Variants in ULK3 observed in about 807,000 individuals in gnomAD.
ULK3 encodes unc-51 like kinase 3.
ULK3 carries 54 observed loss-of-function variants against 69.4 expected under a neutral mutation model. The ratio of observed to expected loss-of-function variants is 0.78; its 90% CI spans 0.63 to 0.98. The LOEUF (loss-of-function observed/expected upper bound fraction) is 0.98, where lower values mean the gene tolerates loss of function less well. Ranked by LOEUF, ULK3 falls within the 50% of genes least tolerant of loss-of-function variation. The probability of loss-of-function intolerance (pLI) is 0.00; values close to 1 mark genes in which losing one functional copy is unlikely to be tolerated. For missense variants in ULK3, 558 were observed against 627.7 expected, an observed-to-expected ratio of 0.89 and a Z score of 1.19; for synonymous variants, 240 against 254.5, an observed-to-expected ratio of 0.94 and a Z score of 0.54.
Position 74,842,938 on chromosome 15 carries a change from G to C in ULK3, c.102+66C>G. ...TTCCCACACTGTCGCTAACCTCTCA[G>C]AGTCTCCCCGGCCGGCACCAGCCGA... On this transcript the variant is annotated intron_variant, in intron 1 of 15. Transcript: ENST00000440863. This position sits in a 1 kb window ranked among gnomAD's most constrained non-coding sequence, Gnocchi z 4.9. 6.7e-7 allele frequency: 1 copy of C among 1,496,912 alleles called. No individual in the cohort carries two copies. 92.7% of individuals were successfully genotyped at this position (1,496,912 alleles called of 1,614,324 possible).
In ULK3 at chr15:74,837,354, C is replaced by T. The variant is rs756561632; in HGVS notation, c.1402+15G>A. 2 of 1,612,992 alleles carry T rather than the reference C, an allele frequency of 1.2e-6. No individual in the cohort carries two copies. The highest frequency in any genetic ancestry group is 4.5e-5 in the East Asian group (2 of 44,850). On this transcript the variant is annotated intron_variant, in intron 15 of 15. Transcript: ENST00000440863. ...CCCTCCTTGGATGGAGGATCGACCC[C>T]AGGGCAGGACTCACAGCTACGAACA...
Position 74,838,155 on chromosome 15 carries a change from A to G in ULK3, c.1284T>C (p.Thr428=). The G allele has an allele frequency of 2.6e-6, 4 of 1,556,770 alleles. No homozygotes were observed. The highest frequency in any genetic ancestry group is 3.5e-6 in the Non-Finnish European group (4 of 1,150,896). The change falls in exon 13 of 16, where the codon ACT becomes ACC. Residue 428 remains threonine, a synonymous_variant. Coordinates refer to ENST00000440863, the MANE Select transcript of ULK3 (RefSeq NM_001099436.4). ...PPGRRRELLH[T]EVQNLMARAE... ...CCCTCTCAAGCTCAGTGGGCACCTC[A>G]GTGTGAAGCAGCTCCCGCCTCCGGC... is the stretch of plus-strand genomic sequence containing the variant.
Position 74,842,269 on chromosome 15 carries a change from C to A in ULK3, c.243+11G>T. 6.2e-7 allele frequency: 1 copy of A among 1,614,004 alleles called. No individual in the cohort carries two copies. Among genetic ancestry groups the A allele is most frequent in the Non-Finnish European group, 8.5e-7 (1 of 1,179,874 alleles). On this transcript the variant is annotated intron_variant, in intron 2 of 15. Transcript: ENST00000440863. The surrounding 1 kb of genome is among the most constrained non-coding windows in gnomAD (Gnocchi z 4.9). ...GCTCCCTTTGGCAGCGGCCCCGCCC[C>A]AGGCTCACACCTGAAAGTCTTTCAG...
At chr15:74,837,689 C>T in intron 14 of ULK3, 62 bp downstream of exon 14, 2 of 1,539,436 alleles carry the variant, frequency 1.3e-6, no homozygotes, top group Non-Finnish European at 1.8e-6. Flanking sequence ...GGGACGACAG[C>T]CACAAGCAGA....
At chr15:74,841,936 A>C in intron 3 of ULK3, 139 bp downstream of exon 3, 4 of 1,420,860 alleles carry the variant, frequency 2.8e-6, no homozygotes, top group Non-Finnish European at 3.8e-6. Flanking sequence ...AGTGTATGAG[A>C]TAAACAGGAC....
Position 74,840,217 on chromosome 15 carries a change from G to C in ULK3, c.696+17C>G. ...CCCTCTGCCCCCCAGTGGTCGCTAA[G>C]GCCCTGCTAGACACACCTCGATGAC... On this transcript the variant is annotated intron_variant, in intron 6 of 15. Transcript: ENST00000440863. The C allele has an allele frequency of 6.2e-7, 1 of 1,601,572 alleles. No individual in the cohort carries two copies. Among genetic ancestry groups the C allele is most frequent in the Non-Finnish European group, 8.5e-7 (1 of 1,174,524 alleles).
In ULK3 at chr15:74,836,429, G is replaced by A. The variant is rs2064020129; in HGVS notation, c.*799C>T. 6.6e-6 allele frequency: 1 copy of A among 152,180 alleles called. No individual in the cohort carries two copies. Among genetic ancestry groups the A allele is most frequent in the African/African-American group, 2.4e-5 (1 of 41,414 alleles). 9.4% of individuals were successfully genotyped at this position (152,180 alleles called of 1,614,324 possible). A position where few individuals can be genotyped will look rare whatever the true frequency, so the allele number is the denominator to read the frequency against. On this transcript the variant is annotated 3_prime_UTR_variant, in exon 16 of 16. Transcript: ENST00000440863. This position sits in a 1 kb window ranked among gnomAD's most constrained non-coding sequence, Gnocchi z 4.0. ...CGGCGGCAGGGCAGGCCTAGAAGTG[G>A]GTGGCCTAGAGGGCACTGGGTCAGA...
rs2064285457 is a variant in ULK3, at chr15:74,842,288, C to G, written c.235G>C (p.Asp79His). Reference protein sequence around the residue: ...IRHPHIVQLKDFQWDSDNIYL... With the variant: ...IRHPHIVQLKHFQWDSDNIYL... ...CCGCCCCAGGCTCACACCTGAAAGTCTTTCAGCTGCACAATGTGGGGATGT... is the reference window on the plus strand; with the variant it reads ...CCGCCCCAGGCTCACACCTGAAAGTGTTTCAGCTGCACAATGTGGGGATGT... The change falls in exon 2 of 16, where the codon GAC becomes CAC. Residue 79 changes from aspartate to histidine, a missense_variant. Transcript: ENST00000440863. The surrounding 1 kb of genome is among the most constrained non-coding windows in gnomAD (Gnocchi z 4.9). 1 of 1,614,038 alleles carries G rather than the reference C, an allele frequency of 6.2e-7. No homozygotes were observed. Among genetic ancestry groups the G allele is most frequent in the Non-Finnish European group, 8.5e-7 (1 of 1,179,898 alleles).
Position 74,838,696 on chromosome 15 carries a change from G to A in ULK3, c.1049C>T (p.Ser350Phe), listed in dbSNP as rs1262504708. ...CTGCCTCAGCAGGGCCTGATTGGAA[G>A]AGGAGACGATGGCCTTGAGCTCCTC... ...RAEELKAIVS[S>F]SNQALLRQGT... Residue 350 changes from serine (S) to phenylalanine (F), a missense_variant, in exon 10 of 16, where the codon TCT becomes TTT. By Grantham distance (155) the Ser-to-Phe change is radical. Transcript: ENST00000440863. 1.1e-5 allele frequency: 17 copies of A among 1,612,830 alleles called. No individual in the cohort carries two copies. The highest frequency in any genetic ancestry group is 1.4e-5 in the Non-Finnish European group (17 of 1,179,422).
chr15:74,837,483 C>T (rs1250035919), intron 14 of ULK3, 48 bp from the exon 15 acceptor site: 1 of 1,264,436 alleles, frequency 7.9e-7, no homozygotes, highest in Non-Finnish European at 1.0e-6. Context: ...GACACACGAG[C>T]CACAGCGCAG....
In ULK3 at chr15:74,839,729, C is replaced by T. The variant is rs114300304; in HGVS notation, c.697-16G>A. ...GCAAGGGGAGCTGCAGGGAAGGGAA[C>T]GGCAGGGACAGATCACACTGGGCTC... On this transcript the variant is annotated splice_polypyrimidine_tract_variant and intron_variant, in intron 6 of 15. Transcript: ENST00000440863. The T allele has an allele frequency of 2.0e-3, 3,089 of 1,520,180 alleles. 56 individuals are homozygous for T. The African/African-American group carries it at 0.039, about 19-fold the overall frequency. 94.2% of individuals were successfully genotyped at this position (1,520,180 alleles called of 1,614,324 possible).
rs766513914 is a variant in ULK3, at chr15:74,837,749, A to C, written c.1335+2T>G. The C allele has an allele frequency of 6.3e-7, 1 of 1,594,618 alleles. No individual in the cohort carries two copies. The highest frequency in any genetic ancestry group is 8.5e-7 in the Non-Finnish European group (1 of 1,170,314). ...GCCCCAGCGTGGCCCCCATGTGCCC[A>C]CCTTGACCTGCTCCTTCAAGTATTC... On this transcript the variant is annotated splice_donor_variant, in intron 14 of 15. Transcript: ENST00000440863. LOFTEE classifies it high-confidence loss of function.
chr15:74,838,988 C>T, intron 9 of ULK3, 22 bp downstream of exon 9: 1 of 1,592,388 alleles, frequency 6.3e-7, no homozygotes, highest in Non-Finnish European at 8.5e-7. Flanking sequence ...CCCCCCACTT[C>T]CTCATGGGGA....
rs551126273 is a variant in ULK3, at chr15:74,836,405, G to C, written c.*823C>G. 1.3e-5 allele frequency: 2 copies of C among 152,374 alleles called. No individual in the cohort carries two copies. Among genetic ancestry groups the C allele is most frequent in the Middle Eastern group, 3.4e-3 (1 of 294 alleles). The allele number at this position is 152,374 out of a possible 1,614,324, so 9.4% of individuals were successfully genotyped here. A position where few individuals can be genotyped will look rare whatever the true frequency, so the allele number is the denominator to read the frequency against. On this transcript the variant is annotated 3_prime_UTR_variant, in exon 16 of 16. Coordinates refer to ENST00000440863, the MANE Select transcript of ULK3 (RefSeq NM_001099436.4). This position sits in a 1 kb window ranked among gnomAD's most constrained non-coding sequence, Gnocchi z 4.0. ...GGAAAGAGCTTGCCCAGGGCTCCAC[G>C]GCGGCAGGGCAGGCCTAGAAGTGGG...
rs1166227637 is a variant in ULK3, at chr15:74,843,088, C to A, written c.18G>T (p.Trp6Cys). The change falls in exon 1 of 16, where the codon TGG becomes TGT. Residue 6 changes from tryptophan to cysteine, a missense_variant. By Grantham distance (215) the Trp-to-Cys change is radical (BLOSUM62 -2). Transcript: ENST00000440863. ...TGAAGCCGTCCAGGCGCGGGGGACC[C>A]CAGCCGGGCCCCGCCATTCCGGCCG... MAGPG[W>C]GPPRLDGFIL... The A allele has an allele frequency of 7.3e-7, 1 of 1,364,648 alleles. No individual in the cohort carries two copies. Among genetic ancestry groups the A allele is most frequent in the Admixed American group, 3.2e-5 (1 of 31,394 alleles). The allele number at this position is 1,364,648 out of a possible 1,614,324, so 84.5% of individuals were successfully genotyped here. A position where few individuals can be genotyped will look rare whatever the true frequency, so the allele number is the denominator to read the frequency against.
At position 74,841,432 on chromosome 15, in the gene ULK3, AG is replaced by A; in HGVS notation, c.441del (p.Leu148TrpfsTer6). On this transcript the variant is annotated frameshift_variant, in exon 4 of 16. Transcript: ENST00000440863. LOFTEE classifies it high-confidence loss of function. ...GCCAGTTTTAGGTGGGGCTTCTCCA[AG>A]GAGCTCAGTAGAATGTTCTGTGGCT... ...DLKPQNILLS[S>X]LEKPHLKLAD... 1 of 1,613,870 alleles carries A rather than the reference AG, an allele frequency of 6.2e-7. No homozygotes were observed. Among genetic ancestry groups the A allele is most frequent in the Non-Finnish European group, 8.5e-7 (1 of 1,179,836 alleles).
Position 74,842,489 on chromosome 15 carries a change from T to A in ULK3, c.103-69A>T. On this transcript the variant is annotated intron_variant, in intron 1 of 15. Coordinates refer to ENST00000440863, the MANE Select transcript of ULK3 (RefSeq NM_001099436.4). The surrounding 1 kb of genome is among the most constrained non-coding windows in gnomAD (Gnocchi z 4.9). ...GACCCTTGTCTGACTGGAAAGGCTC[T>A]ATCTGGTTCCCTCTGTTCCCCCACC... The A allele has an allele frequency of 6.2e-7, 1 of 1,610,338 alleles. No homozygotes were observed. The highest frequency in any genetic ancestry group is 8.5e-7 in the Non-Finnish European group (1 of 1,179,772).
intron 14 of ULK3, 50 bp downstream of exon 14, chr15:74,837,701 A>G (rs1210534565): frequency 1.4e-5 from 22 of 1,557,958 alleles, no homozygotes; most frequent in Admixed American, 1.9e-5. Context: ...ACAAGCAGAG[A>G]GCAACAGAAC....
At position 74,843,079 on chromosome 15, in the gene ULK3, C is replaced by T; in HGVS notation, c.27G>A (p.Pro9=). The change falls in exon 1 of 16, where the codon CCG becomes CCA. Residue 9 remains proline, a synonymous_variant. Coordinates refer to ENST00000440863, the MANE Select transcript of ULK3 (RefSeq NM_001099436.4). ...CGGTGAGGATGAAGCCGTCCAGGCG[C>T]GGGGGACCCCAGCCGGGCCCCGCCA... is the stretch of plus-strand genomic sequence containing the variant. MAGPGWGP[P]RLDGFILTER... is the part of the protein sequence containing the mutation. 2.1e-6 allele frequency: 3 copies of T among 1,409,314 alleles called. No homozygotes were observed. Among genetic ancestry groups the T allele is most frequent in the Non-Finnish European group, 2.8e-6 (3 of 1,071,404 alleles). 87.3% of individuals were successfully genotyped at this position (1,409,314 alleles called of 1,614,324 possible).
Sources: allele counts gnomAD v4.1 joint callset, GRCh38; gene constraint gnomAD v4.1.1; non-coding constraint Gnocchi (gnomAD v3.1); transcripts MANE v1.5; gene names NCBI Gene and HGNC (gene_info 2026-07-23, HGNC 2026-07-21).